Variants in DLEC1 observed in about 807,000 individuals in gnomAD.
DLEC1 encodes the protein deleted in lung and esophageal cancer protein 1.
In DLEC1, 146 loss-of-function variants were observed where a neutral mutation model predicts 198.1. That is an observed-to-expected ratio of 0.74 (90% CI 0.64 to 0.85). The LOEUF is 0.85. Ranked by LOEUF, DLEC1 falls within the 40% of genes least tolerant of loss-of-function variation. DLEC1 has a pLI of 0.00. For synonymous variants in DLEC1, 897 were observed against 866.8 expected (o/e 1.03, Z -0.61); for missense variants, 2,233 against 2,220.0 (o/e 1.01, Z -0.12).
chr3:38,114,685 A>G (rs1700058147), intron 26 of DLEC1, among the ~76,000 whole-genome samples: 1 of 151,986 alleles, frequency 6.6e-6, no homozygotes, highest in Admixed American at 6.5e-5. Context: ...AGAAGTGGCG[A>G]GTAGTCAGTG....
intron 2 of DLEC1, among the ~76,000 whole-genome samples, chr3:38,046,608 T>C (rs1700898002): frequency 6.6e-6 from 1 of 152,218 alleles, no homozygotes; most frequent in African/African-American, 2.4e-5. Context: ...TTCATAGCAG[T>C]ATGAAAATGG....
intron 7 of DLEC1, among the ~76,000 whole-genome samples, chr3:38,084,458 AGTAATAGTAGTGGTG>A (rs1559430305): frequency 4.2e-3 from 2 of 474 alleles, no homozygotes; most frequent in African/African-American, 0.019. Flanking sequence ...TGGTGGTAGT[AGTAATAGTAGTGGTG>A]GTGGTGGTAG....
intron 24 of DLEC1, 112 bp downstream of exon 24, chr3:38,111,859 C>T: frequency 8.2e-7 from 1 of 1,226,556 alleles, no homozygotes; most frequent in Non-Finnish European, 1.1e-6. Flanking sequence ...AGAGACTGCT[C>T]TCAGATGGCC....
At chr3:38,085,188 C>T (rs1698385468) in intron 7 of DLEC1, 86 bp from the exon 8 acceptor site, 3 of 1,460,826 alleles carry the variant, frequency 2.1e-6, no homozygotes, top group Admixed American at 1.9e-5. Flanking sequence ...CCAGCCCTGG[C>T]AGGGCTGGGG....
At chr3:38,105,804 G>A (rs1298702288) in intron 19 of DLEC1, among the ~76,000 whole-genome samples, 3 of 151,686 alleles carry the variant, frequency 2.0e-5, no homozygotes, top group Admixed American at 6.6e-5. Flanking sequence ...CTCCCGTTTT[G>A]CTATTTGTTT....
chr3:38,039,270 G>C lies in DLEC1; in HGVS notation c.45G>C (p.Arg15=), dbSNP rs375716356. 4.3e-6 allele frequency: 7 copies of C among 1,613,848 alleles called. No individual in the cohort carries two copies. Among genetic ancestry groups the C allele is most frequent in the Non-Finnish European group, 5.9e-6 (7 of 1,179,846 alleles). ...AAACGCGGAGGTCTTTAGCGTCCCGGACCAACGAGTGCCAGGGGACAATGT... is the reference window on the plus strand; with the variant it reads ...AAACGCGGAGGTCTTTAGCGTCCCGCACCAACGAGTGCCAGGGGACAATGT... ...SSKTRRSLAS[R]TNECQGTMWA... is the part of the protein sequence containing the mutation. The change falls in exon 1 of 37, where the codon CGG becomes CGC. Residue 15 remains arginine, a synonymous_variant. Coordinates refer to ENST00000308059, the MANE Select transcript of DLEC1 (RefSeq NM_007335.4).
At chr3:38,073,164 G>A (rs566239730) in intron 6 of DLEC1, among the ~76,000 whole-genome samples, 1 of 152,316 alleles carries the variant, frequency 6.6e-6, no homozygotes, top group South Asian at 2.1e-4. Flanking sequence ...ATCGAGAACA[G>A]AACACTGAGT....
At position 38,039,300 on chromosome 3, in the gene DLEC1, G is replaced by C; in HGVS notation, c.75G>C (p.Ala25=). Residue 25 remains alanine, a synonymous_variant, in exon 1 of 37, where the codon GCG becomes GCC. Transcript: ENST00000308059. ...ACGAGTGCCAGGGGACAATGTGGGC[G>C]CCAACTTCGCCACCAGCCGGGTCCA... ...RTNECQGTMW[A]PTSPPAGSSS... is the part of the protein sequence containing the mutation. 4.3e-6 allele frequency: 7 copies of C among 1,614,164 alleles called. No homozygotes were observed. The highest frequency in any genetic ancestry group is 5.1e-6 in the Non-Finnish European group (6 of 1,180,024).
chr3:38,051,039 C>T (rs1483113768), intron 2 of DLEC1, among the ~76,000 whole-genome samples: 3 of 151,736 alleles, frequency 2.0e-5, no homozygotes, highest in African/African-American at 4.8e-5. Context: ...GTAGCTGGAA[C>T]CACAGACGGG....
At chr3:38,120,858 C>T (rs1359243835) in intron 34 of DLEC1, among the ~76,000 whole-genome samples, 1 of 152,142 alleles carries the variant, frequency 6.6e-6, no homozygotes, top group South Asian at 2.1e-4. Flanking sequence ...AGGCTCCCTG[C>T]GGGAGGAAGG....
chr3:38,058,739 G>C (rs949632802), intron 2 of DLEC1, among the ~76,000 whole-genome samples: 4 of 152,022 alleles, frequency 2.6e-5, no homozygotes, highest in African/African-American at 7.2e-5. Context: ...TGATAATAAT[G>C]TGTCTATGTA....
intron 2 of DLEC1, among the ~76,000 whole-genome samples, chr3:38,056,482 G>C (rs1289337539): frequency 1.3e-5 from 2 of 151,998 alleles, no homozygotes; most frequent in South Asian, 4.1e-4. Context: ...GCTGATTTTT[G>C]TATTTTTAAT....
rs374956825 is a variant in DLEC1 at position 38,116,436 on chromosome 3, C to G, written c.3857-17C>G. ...CTCCTCCCTTATTCCTCACCCTGCT[C>G]CACACATCTGCCCCAGACATCCGCC... is the stretch of plus-strand genomic sequence containing the variant. On this transcript the variant is annotated splice_polypyrimidine_tract_variant and intron_variant, in intron 27 of 36. Coordinates refer to ENST00000308059, the MANE Select transcript of DLEC1 (RefSeq NM_007335.4). 3 of 1,613,770 alleles carry G rather than the reference C, an allele frequency of 1.9e-6. No homozygotes were observed. The African/African-American group carries it at 4.0e-5, about 22-fold the overall frequency.
At chr3:38,040,574 C>T (rs1482394183) in intron 1 of DLEC1, among the ~76,000 whole-genome samples, 1 of 152,210 alleles carries the variant, frequency 6.6e-6, no homozygotes, top group African/African-American at 2.4e-5. Flanking sequence ...GGCTGGGATC[C>T]TGTACTCTGT....
At chr3:38,041,470 C>G (rs1700648715) in intron 1 of DLEC1, among the ~76,000 whole-genome samples, 1 of 152,138 alleles carries the variant, frequency 6.6e-6, no homozygotes, top group Non-Finnish European at 1.5e-5. Context: ...AATTTAGAAG[C>G]TGAAATTTAA....
chr3:38,049,674 A>G (rs1354808644), intron 2 of DLEC1, among the ~76,000 whole-genome samples: 1 of 152,226 alleles, frequency 6.6e-6, no homozygotes, highest in African/African-American at 2.4e-5. Flanking sequence ...CAGGCCTGAC[A>G]GCTCCTGCAG....
At chr3:38,064,059 G>C in intron 6 of DLEC1, 140 bp downstream of exon 6, 1 of 595,384 alleles carries the variant, frequency 1.7e-6, no homozygotes, top group Non-Finnish European at 2.8e-6. Context: ...GTTTCTCGGA[G>C]AGGGGGATTT....
At chr3:38,090,502 C>T (rs925417469) in intron 10 of DLEC1, among the ~76,000 whole-genome samples, 3 of 152,158 alleles carry the variant, frequency 2.0e-5, no homozygotes, top group Admixed American at 2.0e-4. Context: ...TGTGAATGGA[C>T]CATAATTTAG....
At chr3:38,083,139 G>C (rs1218194096) in intron 6 of DLEC1, among the ~76,000 whole-genome samples, 1 of 151,724 alleles carries the variant, frequency 6.6e-6, no homozygotes, top group African/African-American at 2.4e-5. Context: ...GATGTTTCTT[G>C]GGCTCATCGG....
Sources: allele counts gnomAD v4.1 joint callset (sites outside exome capture counted in the v4.1 genomes callset), GRCh38; gene constraint gnomAD v4.1.1; transcripts MANE v1.5; gene names NCBI Gene and HGNC (gene_info 2026-07-23, HGNC 2026-07-21).